The following STRN variants were observed in gnomAD, a reference collection of about 807,000 sequenced individuals.
STRN encodes the protein striatin, also known as protein phosphatase 2 regulatory subunit B'''alpha.
A neutral mutation model predicts 96.3 loss-of-function variants in STRN; 53 were observed. The ratio of observed to expected loss-of-function variants is 0.55; its 90% CI spans 0.44 to 0.69. STRN has a LOEUF of 0.69. Among genes scored for constraint, STRN ranks in the 30% least tolerant of loss-of-function variants. The probability of loss-of-function intolerance (pLI) is 0.00; values close to 1 mark genes in which losing one functional copy is unlikely to be tolerated. For missense variants in STRN, 987 were observed against 963.9 expected (o/e 1.02, Z -0.32); for synonymous variants, 428 against 355.9 (o/e 1.20, Z -2.28).
chr2:36,962,983 T>C (rs1275932188), intron 1 of STRN, among the ~76,000 whole-genome samples: 1 of 152,242 alleles, frequency 6.6e-6, no homozygotes. Context: ...CTCCAATTCC[T>C]TTCACAAATG....
At chr2:36,873,569 A>C (rs573730707) in intron 10 of STRN, among the ~76,000 whole-genome samples, 1 of 152,064 alleles carries the variant, frequency 6.6e-6, no homozygotes, top group South Asian at 2.1e-4. Context: ...CAAAAAAATT[A>C]ATAATAATAA....
At chr2:36,902,933 C>T in intron 4 of STRN, 182 bp from the exon 5 acceptor site, 1 of 397,904 alleles carries the variant, frequency 2.5e-6, no homozygotes, top group Non-Finnish European at 4.4e-6. Flanking sequence ...TCTTGCAGTA[C>T]CAGCCTCTAC....
chr2:36,888,734 G>A (rs1222730731), intron 7 of STRN, among the ~76,000 whole-genome samples: 2 of 151,752 alleles, frequency 1.3e-5, no homozygotes, highest in Admixed American at 6.6e-5. Flanking sequence ...CAGCTGGGGT[G>A]CACTGTCACA....
At chr2:36,953,636 T>G (rs1367817389) in intron 1 of STRN, among the ~76,000 whole-genome samples, 1 of 152,112 alleles carries the variant, frequency 6.6e-6, no homozygotes, top group Non-Finnish European at 1.5e-5. Context: ...TCTCCTGACC[T>G]CATGATCCAA....
chr2:36,881,116 T>G (rs1669057731), intron 9 of STRN, among the ~76,000 whole-genome samples: 1 of 109,008 alleles, frequency 9.2e-6, no homozygotes, highest in Admixed American at 1.3e-4. Context: ...TGACACTGCC[T>G]TCTTTTTTTT....
chr2:36,887,042 GACACAC>G lies in STRN; in HGVS notation c.932-222_932-217del, dbSNP rs70946957. ...TTCCTAGAATCAGTTTCTCCTGAAA[GACACAC>G]ACACACACACACACACACACACACA... On this transcript the variant is annotated intron_variant, in intron 7 of 17. Transcript: ENST00000263918. 5.1e-3 allele frequency among the ~76,000 whole-genome samples: 738 copies of G among 144,880 alleles called. 8 individuals are homozygous for G. The highest frequency in any genetic ancestry group is 0.016 in the African/African-American group (630 of 38,508).
intron 1 of STRN, among the ~76,000 whole-genome samples, chr2:36,959,722 G>A (rs1401238079): frequency 6.6e-6 from 1 of 152,148 alleles, no homozygotes; most frequent in Admixed American, 6.5e-5. Flanking sequence ...TCCATATAGG[G>A]AATACTAATA....
At chr2:36,891,639 T>C (rs1341661378) in intron 7 of STRN, among the ~76,000 whole-genome samples, 1 of 152,228 alleles carries the variant, frequency 6.6e-6, no homozygotes, top group Admixed American at 6.5e-5. Flanking sequence ...ATATCTCTTG[T>C]AGACCTTGTG....
In STRN at chr2:36,966,535, T is replaced by TCCTCCTC; in HGVS notation, c.-73_-72insGAGGAGG. 7.5e-7 allele frequency: 1 copy of TCCTCCTC among 1,339,318 alleles called. No homozygotes were observed. The highest frequency in any genetic ancestry group is 3.2e-5 in the East Asian group (1 of 31,278). The allele number at this position is 1,339,318 out of a possible 1,614,324, so 83.0% of individuals were successfully genotyped here. On this transcript the variant is annotated 5_prime_UTR_variant, in exon 1 of 18. Coordinates refer to ENST00000263918, the MANE Select transcript of STRN (RefSeq NM_003162.4). ...GGCAACAGCGGCGGCAAGCAGCGCC[T>TCCTCCTC]CCTCCTCCCTCCGCCGCTCCCGCCC... is the stretch of plus-strand genomic sequence containing the variant.
chr2:36,851,213 G>A lies in STRN; in HGVS notation c.1979-106C>T, dbSNP rs570012740. ...GAGACTGAAAAAGTAGGCCGGCCGC[G>A]GTGGCTCACGCCTGTAATCCAAGCA... On this transcript the variant is annotated intron_variant, in intron 15 of 17. Transcript: ENST00000263918. 349 of 930,708 alleles carry A rather than the reference G, an allele frequency of 3.7e-4. 1 individual carries two copies. The African/African-American group carries it at 4.9e-3, about 13-fold the overall frequency. The allele number at this position is 930,708 out of a possible 1,614,324, so 57.7% of individuals were successfully genotyped here.
rs1382084074 is a variant in STRN at position 36,840,617 on chromosome 2, A to T, written c.*8839T>A. 1 of 151,892 alleles carries T rather than the reference A, an allele frequency of 6.6e-6. No individual in the cohort carries two copies. Among genetic ancestry groups the T allele is most frequent in the South Asian group, 2.1e-4 (1 of 4,818 alleles). 9.4% of individuals were successfully genotyped at this position (151,892 alleles called of 1,614,324 possible). A position where few individuals can be genotyped will look rare whatever the true frequency, so the allele number is the denominator to read the frequency against. ...TGGGCTCTCTGATTACTCAGCCAAC[A>T]AATATTTATAGGGTACCTTTTATAT... On this transcript the variant is annotated 3_prime_UTR_variant, in exon 18 of 18. Coordinates refer to ENST00000263918, the MANE Select transcript of STRN (RefSeq NM_003162.4).
rs560523244 is a variant in STRN at position 36,867,853 on chromosome 2, G to C, written c.1508C>G (p.Ser503Cys). The C allele has an allele frequency of 4.4e-6, 7 of 1,592,570 alleles. No homozygotes were observed. Among genetic ancestry groups the C allele is most frequent in the Admixed American group, 1.8e-5 (1 of 56,290 alleles). Reference sequence around the variant, plus strand: ...TGTATAGATAGGTTCTACATCAAGAGAAGTGCTCCTAAATCAGAGAGAGAT... The same window carrying C: ...TGTATAGATAGGTTCTACATCAAGACAAGTGCTCCTAAATCAGAGAGAGAT... Reference protein sequence around the residue: ...QKTAPAKKSTSLDVEPIYTFR... With the variant: ...QKTAPAKKSTCLDVEPIYTFR... The change falls in exon 12 of 18, where the codon TCT becomes TGT. Residue 503 changes from serine to cysteine, a missense_variant. By Grantham distance (112) the Ser-to-Cys change is moderately radical. Coordinates refer to ENST00000263918, the MANE Select transcript of STRN (RefSeq NM_003162.4).
intron 7 of STRN, among the ~76,000 whole-genome samples, chr2:36,888,104 C>G: frequency 1.3e-5 from 2 of 152,334 alleles, no homozygotes; most frequent in Middle Eastern, 6.8e-3. Flanking sequence ...AAAACCCATT[C>G]TTTCCCACTC....
In STRN at chr2:36,913,453, C is replaced by T. The variant is rs75468288; in HGVS notation, c.412+2625G>A. 5.1e-4 allele frequency among the ~76,000 whole-genome samples: 78 copies of T among 152,238 alleles called. No individual in the cohort carries two copies. In the East Asian group the frequency reaches 0.014, roughly 28 times the overall value. On this transcript the variant is annotated intron_variant, in intron 3 of 17. Coordinates refer to ENST00000263918, the MANE Select transcript of STRN (RefSeq NM_003162.4). ...TTCAACAAATAGTCAGTTTACTTGC[C>T]CTGGTTAATTCCTACTTGTCCTTCA... is the stretch of plus-strand genomic sequence containing the variant.
In STRN at chr2:36,887,666, T is replaced by C. The variant is rs116559579; in HGVS notation, c.932-840A>G. On this transcript the variant is annotated intron_variant, in intron 7 of 17. Transcript: ENST00000263918. ...CATTAGTAAGTGATAATTTTTATTT[T>C]ACAGGCTTAATACATAGCATTTGAA... 3.8e-3 allele frequency among the ~76,000 whole-genome samples: 578 copies of C among 152,332 alleles called. 5 individuals carry two copies. The highest frequency in any genetic ancestry group is 0.011 in the African/African-American group (464 of 41,586).
At chr2:36,851,179 T>C in intron 15 of STRN, 72 bp from the exon 16 acceptor site, 2 of 1,371,502 alleles carry the variant, frequency 1.5e-6, no homozygotes, top group South Asian at 1.2e-5. Flanking sequence ...AACTGAATTA[T>C]CTATCTAAGA....
chr2:36,939,985 G>A (rs982319601), intron 1 of STRN, among the ~76,000 whole-genome samples: 2 of 152,006 alleles, frequency 1.3e-5, no homozygotes, highest in African/African-American at 4.8e-5. Flanking sequence ...TACCTACCAC[G>A]TACCAAAACT....
intron 8 of STRN, 118 bp downstream of exon 8, chr2:36,886,598 A>C: frequency 1.4e-6 from 1 of 726,252 alleles, no homozygotes; most frequent in Non-Finnish European, 2.2e-6. Flanking sequence ...TGAAAAGGAA[A>C]GAGGTCAGGA....
intron 7 of STRN, among the ~76,000 whole-genome samples, chr2:36,890,770 C>T (rs1669375994): frequency 6.6e-6 from 1 of 152,152 alleles, no homozygotes; most frequent in African/African-American, 2.4e-5. Flanking sequence ...AGGCGTGAGC[C>T]ACTGCGCCTG....
Sources: allele counts gnomAD v4.1 joint callset (sites outside exome capture counted in the v4.1 genomes callset), GRCh38; gene constraint gnomAD v4.1.1; transcripts MANE v1.5; gene names NCBI Gene and HGNC (gene_info 2026-07-23, HGNC 2026-07-21).